ZSWIM6: variants seen among roughly 807,000 people sequenced by gnomAD.
ZSWIM6 encodes the protein zinc finger SWIM-type containing 6.
ZSWIM6 carries 9 observed loss-of-function variants against 113.2 expected under a neutral mutation model. The observed-to-expected ratio is 0.08, with a 90% CI of 0.05 to 0.14. ZSWIM6 has a LOEUF of 0.14. Ranked by LOEUF, ZSWIM6 falls within the 10% of genes least tolerant of loss-of-function variation. ZSWIM6 has a pLI of 1.00. For synonymous variants in ZSWIM6, 611 were observed against 606.5 expected (o/e 1.01, Z -0.11); for missense variants, 1,162 against 1,552.2 (o/e 0.75, Z 4.22).
chr5:61,378,301 A>T (rs1745411063), intron 1 of ZSWIM6, among the ~76,000 whole-genome samples: 1 of 152,254 alleles, frequency 6.6e-6, no homozygotes, highest in South Asian at 2.1e-4. Flanking sequence ...AGTAGCATGT[A>T]GTTATTAAAA....
chr5:61,397,529 A>T (rs1295126231), intron 1 of ZSWIM6, among the ~76,000 whole-genome samples: 1 of 152,132 alleles, frequency 6.6e-6, no homozygotes, highest in East Asian at 1.9e-4. Flanking sequence ...CCCATCAGTG[A>T]CAGCCAAGTA....
chr5:61,362,560 CATG>C (rs1745052686), intron 1 of ZSWIM6, among the ~76,000 whole-genome samples: 1 of 152,154 alleles, frequency 6.6e-6, no homozygotes, highest in South Asian at 2.1e-4. Context: ...AGCCTCAGCT[CATG>C]ATTTTCCTCC....
At chr5:61,411,417 T>C (rs975002690) in intron 1 of ZSWIM6, among the ~76,000 whole-genome samples, 1 of 152,194 alleles carries the variant, frequency 6.6e-6, no homozygotes, top group Non-Finnish European at 1.5e-5. Flanking sequence ...AATTGGAAGC[T>C]TTTGGACAAA....
Position 61,538,880 on chromosome 5 carries a change from T to C in ZSWIM6, c.2448T>C (p.Val816=), listed in dbSNP as rs920577005. The C allele has an allele frequency of 1.3e-6, 2 of 1,552,236 alleles. No individual in the cohort carries two copies. The highest frequency in any genetic ancestry group is 1.4e-5 in the African/African-American group (1 of 73,056). The change falls in exon 11 of 14, where the codon GTT becomes GTC. Residue 816 remains valine, a synonymous_variant. Transcript: ENST00000252744. The part of the protein sequence containing the change: ...DLTRPHHIAS[V]VPNRYPRWFT... ...CCCGCCCACACCACATTGCATCAGT[T>C]GTTCCCAACCGCTACCCTCGCTGGT...
intron 7 of ZSWIM6, among the ~76,000 whole-genome samples, chr5:61,529,276 T>C (rs1407034505): frequency 6.6e-6 from 1 of 152,266 alleles, no homozygotes; most frequent in Admixed American, 6.5e-5. Flanking sequence ...AAATACTGCA[T>C]TATTTACAAC....
At chr5:61,400,015 A>G (rs1239067368) in intron 1 of ZSWIM6, among the ~76,000 whole-genome samples, 2 of 152,084 alleles carry the variant, frequency 1.3e-5, no homozygotes, top group Non-Finnish European at 2.9e-5. Flanking sequence ...GCTTTGTGCA[A>G]CCTTCCTGAG....
At chr5:61,514,331 G>T (rs1748874775) in intron 4 of ZSWIM6, among the ~76,000 whole-genome samples, 1 of 151,352 alleles carries the variant, frequency 6.6e-6, no homozygotes, top group Non-Finnish European at 1.5e-5. Context: ...CTGGTTCTAG[G>T]AGCAATTTTG....
intron 1 of ZSWIM6, among the ~76,000 whole-genome samples, chr5:61,439,869 AT>A (rs944241753): frequency 6.6e-6 from 1 of 152,242 alleles, no homozygotes; most frequent in South Asian, 2.1e-4. Flanking sequence ...AAAGTTATCT[AT>A]TTTCTCATGG....
chr5:61,486,578 A>G (rs1561258516), intron 2 of ZSWIM6, among the ~76,000 whole-genome samples: 1 of 151,908 alleles, frequency 6.6e-6, no homozygotes, highest in Non-Finnish European at 1.5e-5. Context: ...TAAGAGCTCT[A>G]TTTTCTCTAC....
At chr5:61,439,313 T>G (rs1374598240) in intron 1 of ZSWIM6, among the ~76,000 whole-genome samples, 1 of 152,222 alleles carries the variant, frequency 6.6e-6, no homozygotes, top group African/African-American at 2.4e-5. Context: ...TGTACCATTA[T>G]GTTCTGGGAG....
chr5:61,520,969 A>C (rs1005229138), intron 4 of ZSWIM6, among the ~76,000 whole-genome samples: 2 of 152,056 alleles, frequency 1.3e-5, no homozygotes, highest in Non-Finnish European at 2.9e-5. Flanking sequence ...ATTATGTAAG[A>C]GTATTTGGAT....
At chr5:61,470,755 T>G (rs1432964473) in intron 1 of ZSWIM6, among the ~76,000 whole-genome samples, 1 of 152,220 alleles carries the variant, frequency 6.6e-6, no homozygotes, top group Non-Finnish European at 1.5e-5. Flanking sequence ...GAAGCAGTAA[T>G]AGTGACTTGT....
chr5:61,445,766 T>C (rs2112152013), intron 1 of ZSWIM6, among the ~76,000 whole-genome samples: 1 of 152,256 alleles, frequency 6.6e-6, no homozygotes, highest in African/African-American at 2.4e-5. Flanking sequence ...AAATGAAAAT[T>C]GAAAGCAAAA....
rs554307839 is a variant in ZSWIM6, at chr5:61,472,064, A to C, written c.677-617A>C. 3.3e-5 allele frequency among the ~76,000 whole-genome samples: 5 copies of C among 152,260 alleles called. No individual in the cohort carries two copies. Among genetic ancestry groups the C allele is most frequent in the African/African-American group, 1.2e-4 (5 of 41,554 alleles). On this transcript the variant is annotated intron_variant, in intron 1 of 13. Coordinates refer to ENST00000252744, the MANE Select transcript of ZSWIM6 (RefSeq NM_020928.2). This position sits in a 1 kb window ranked among gnomAD's most constrained non-coding sequence, Gnocchi z 4.1. Reference sequence around the variant, plus strand: ...GATTTGGTGGGCCTTGCAATTCTATAAGCAGTTGCTGCTCATAGACATTGC... The same window carrying C: ...GATTTGGTGGGCCTTGCAATTCTATCAGCAGTTGCTGCTCATAGACATTGC...
chr5:61,427,495 T>C (rs1008977677), intron 1 of ZSWIM6, among the ~76,000 whole-genome samples: 1 of 152,198 alleles, frequency 6.6e-6, no homozygotes, highest in African/African-American at 2.4e-5. Flanking sequence ...TTTTTTTCTT[T>C]TTTTATACAG....
At chr5:61,353,931 G>T (rs1001340232) in intron 1 of ZSWIM6, among the ~76,000 whole-genome samples, 1 of 152,206 alleles carries the variant, frequency 6.6e-6, no homozygotes, top group African/African-American at 2.4e-5. Context: ...TGTGGATTGT[G>T]TTGGCAGCCC....
At chr5:61,378,115 A>G (rs1355587822) in intron 1 of ZSWIM6, among the ~76,000 whole-genome samples, 5 of 152,250 alleles carry the variant, frequency 3.3e-5, no homozygotes, top group Non-Finnish European at 7.3e-5. Context: ...AGATTTATAA[A>G]TGCACAGACC....
chr5:61,510,037 G>A (rs908614667), intron 4 of ZSWIM6, among the ~76,000 whole-genome samples: 9 of 151,796 alleles, frequency 5.9e-5, no homozygotes, highest in East Asian at 3.9e-4. Flanking sequence ...TAAACAACCC[G>A]ATGAGGTTAG....
chr5:61,333,008 G>GGGCC, intron 1 of ZSWIM6, 60 bp downstream of exon 1: 1 of 498,938 alleles, frequency 2.0e-6, no homozygotes, highest in Non-Finnish European at 2.8e-6. Flanking sequence ...GTGGGGGGGG[G>GGGCC]GTGCCCGCCT....
Sources: gnomAD v4.1 joint callset for allele counts (sites outside exome capture counted in the v4.1 genomes callset) on GRCh38, gnomAD v4.1.1 for gene constraint, Gnocchi (gnomAD v3.1) non-coding constraint, MANE v1.5 for transcripts, NCBI Gene and HGNC (gene_info 2026-07-23, HGNC 2026-07-21) for gene names.